DNAJC27: variants seen among roughly 807,000 people sequenced by gnomAD.
DNAJC27 encodes the protein DnaJ heat shock protein family (Hsp40) member C27, also known as dnaJ homolog subfamily C member 27.
DNAJC27 carries 25 observed loss-of-function variants against 31.4 expected under a neutral mutation model. The observed-to-expected ratio is 0.80, with a 90% confidence interval of 0.58 to 1.11. The LOEUF (loss-of-function observed/expected upper bound fraction) is 1.11. DNAJC27 is among the 50% of genes most tolerant of loss of function. The pLI, the probability that DNAJC27 is intolerant of heterozygous loss-of-function variation, is 0.00. For missense variants in DNAJC27, 356 were observed against 347.3 expected, an observed-to-expected ratio of 1.02 and a Z score of -0.20; for synonymous variants, 106 against 112.7, an observed-to-expected ratio of 0.94 and a Z score of 0.37.
intron 5 of DNAJC27, among the ~76,000 whole-genome samples, chr2:24,953,246 C>T (rs1001779448): frequency 4.6e-5 from 7 of 152,100 alleles, no homozygotes; most frequent in Non-Finnish European, 7.4e-5. Context: ...CTGTTATCTT[C>T]TAAAATTCTT....
intron 5 of DNAJC27, among the ~76,000 whole-genome samples, chr2:24,955,423 AATGGTCTAATATAC>A (rs1665881631): frequency 6.6e-6 from 1 of 152,206 alleles, no homozygotes; most frequent in African/African-American, 2.4e-5. Flanking sequence ...GACAAAATCA[AATGGTCTAATATAC>A]ATGTAATTGG....
intron 1 of DNAJC27, among the ~76,000 whole-genome samples, chr2:24,967,697 G>T: frequency 1.5e-5 from 2 of 135,144 alleles, no homozygotes; most frequent in South Asian, 2.3e-4. Flanking sequence ...GTGAACGCTT[G>T]TCTAAAAAAA....
At position 24,947,762 on chromosome 2, in the gene DNAJC27, C is replaced by A. The variant is rs1175235171; in HGVS notation, c.690-14G>T. Reference sequence around the variant, plus strand: ...TTGACTTCATCCCTGGGAAAAGAAGCCAAGATCTATGTTAGTAACAGAGTC... The same window carrying A: ...TTGACTTCATCCCTGGGAAAAGAAGACAAGATCTATGTTAGTAACAGAGTC... On this transcript the variant is annotated splice_polypyrimidine_tract_variant and intron_variant, in intron 6 of 6. Transcript: ENST00000264711. The A allele has an allele frequency of 6.2e-7, 1 of 1,608,528 alleles. No individual in the cohort carries two copies. Among genetic ancestry groups the A allele is most frequent in the African/African-American group, 1.3e-5 (1 of 74,942 alleles).
rs1665669014 is a variant in DNAJC27, at chr2:24,947,153, C to T, written c.*463G>A. ...CCACCTAAGGAACTCATTGTAAAAGCAGCAACTTGTCTGTAAGGTCACACC... is the reference window on the plus strand; with the variant it reads ...CCACCTAAGGAACTCATTGTAAAAGTAGCAACTTGTCTGTAAGGTCACACC... On this transcript the variant is annotated 3_prime_UTR_variant, in exon 7 of 7. Coordinates refer to ENST00000264711, the MANE Select transcript of DNAJC27 (RefSeq NM_016544.3). 1 of 154,212 alleles carries T rather than the reference C, an allele frequency of 6.5e-6. No individual in the cohort carries two copies. Among genetic ancestry groups the T allele is most frequent in the African/African-American group, 2.4e-5 (1 of 41,470 alleles). The allele number at this position is 154,212 out of a possible 1,614,324, so 9.6% of individuals were successfully genotyped here.
chr2:24,950,558 CA>C (rs1665745491), intron 6 of DNAJC27, among the ~76,000 whole-genome samples: 1 of 152,158 alleles, frequency 6.6e-6, no homozygotes, highest in Non-Finnish European at 1.5e-5. Context: ...TAAATACACA[CA>C]CAGAGGGCTG....
intron 5 of DNAJC27, among the ~76,000 whole-genome samples, chr2:24,954,352 C>T (rs1665853876): frequency 6.6e-6 from 1 of 152,110 alleles, no homozygotes; most frequent in South Asian, 2.1e-4. Flanking sequence ...TGCCTTAACC[C>T]CTCATTAATT....
chr2:24,962,783 A>G (rs188975588), intron 3 of DNAJC27, among the ~76,000 whole-genome samples: 1 of 152,300 alleles, frequency 6.6e-6, no homozygotes, highest in Admixed American at 6.5e-5. Context: ...CAAAAAGAGC[A>G]AAATAAGCTT....
intron 6 of DNAJC27, among the ~76,000 whole-genome samples, chr2:24,950,979 C>T (rs1189630325): frequency 2.0e-5 from 3 of 152,176 alleles, no homozygotes; most frequent in Admixed American, 6.5e-5. Context: ...CCACTAACTC[C>T]GGGGATTCTT....
At chr2:24,968,246 G>A (rs970656252) in intron 1 of DNAJC27, among the ~76,000 whole-genome samples, 1 of 152,026 alleles carries the variant, frequency 6.6e-6, no homozygotes, top group Non-Finnish European at 1.5e-5. Context: ...AATAGTCTGT[G>A]ATATGCAAAT....
intron 1 of DNAJC27, among the ~76,000 whole-genome samples, chr2:24,968,401 T>C (rs544918851): frequency 1.3e-5 from 2 of 152,162 alleles, no homozygotes; most frequent in Non-Finnish European, 2.9e-5. Flanking sequence ...CCAAATCCTT[T>C]AAAATGAGTA....
In DNAJC27 at chr2:24,952,921, T is replaced by A. The variant is rs372608025; in HGVS notation, c.529-1367A>T. On this transcript the variant is annotated intron_variant, in intron 5 of 6. Transcript: ENST00000264711. Reference sequence around the variant, plus strand: ...TCTTATTCTTTGCCCATTTTTACAATTTTTTTTCTTTTTTTTGAGACAGGG... The same window carrying A: ...TCTTATTCTTTGCCCATTTTTACAAATTTTTTTCTTTTTTTTGAGACAGGG... Among the ~76,000 whole-genome samples the A allele has an allele frequency of 3.7e-3, 569 of 152,146 alleles. 6 individuals carry two copies. Among genetic ancestry groups the A allele is most frequent in the African/African-American group, 0.013 (534 of 41,504 alleles).
chr2:24,950,763 C>T (rs1665751817), intron 6 of DNAJC27, among the ~76,000 whole-genome samples: 1 of 152,036 alleles, frequency 6.6e-6, no homozygotes, highest in Non-Finnish European at 1.5e-5. Context: ...AGGAGTATTG[C>T]TTGAACCCAG....
intron 6 of DNAJC27, 123 bp downstream of exon 6, chr2:24,951,270 TA>T: frequency 9.8e-7 from 1 of 1,025,532 alleles, no homozygotes; most frequent in Non-Finnish European, 1.4e-6. Flanking sequence ...TGAGTCATTC[TA>T]ATATATTTTC....
In DNAJC27 at chr2:24,957,938, T is replaced by A. The variant is rs766150158; in HGVS notation, c.277A>T (p.Ile93Leu). ...NEFYKDTQGV[I>L]LVYDVGQKDS... Reference sequence around the variant, plus strand: ...TTCTGCCCAACATCATAGACCAGTATCACACCCTGTGTGTCCTTGTAAAAC... The same window carrying A: ...TTCTGCCCAACATCATAGACCAGTAACACACCCTGTGTGTCCTTGTAAAAC... Residue 93 changes from isoleucine to leucine, a missense_variant, in exon 4 of 7, where the codon ATA becomes TTA. Coordinates refer to ENST00000264711, the MANE Select transcript of DNAJC27 (RefSeq NM_016544.3). 6 of 1,614,040 alleles carry A rather than the reference T, an allele frequency of 3.7e-6. No homozygotes were observed. In the South Asian group the frequency reaches 6.6e-5, roughly 18 times the overall value.
At chr2:24,951,360 T>C (rs368938324) in intron 6 of DNAJC27, 34 bp downstream of exon 6, 12 of 1,576,016 alleles carry the variant, frequency 7.6e-6, no homozygotes, top group Middle Eastern at 1.7e-4. Context: ...TTCTTTATGA[T>C]AGCAATCAGC....
intron 5 of DNAJC27, among the ~76,000 whole-genome samples, chr2:24,955,720 A>G (rs987632375): frequency 6.6e-6 from 1 of 152,260 alleles, no homozygotes; most frequent in Non-Finnish European, 1.5e-5. Flanking sequence ...AATAAGAGTC[A>G]GAATGAGTGC....
In DNAJC27 at chr2:24,971,860, G is replaced by T. The variant is rs978718182; in HGVS notation, c.45C>A (p.Leu15=). The change falls in exon 1 of 7, where the codon CTC becomes CTA. Residue 15 remains leucine, a synonymous_variant. Transcript: ENST00000264711. ...TGCCCATGGAGATGACTTTGATGCGGAGAGACCTGCCGGGCTCCTTCCGCT... is the reference window on the plus strand; with the variant it reads ...TGCCCATGGAGATGACTTTGATGCGTAGAGACCTGCCGGGCTCCTTCCGCT... ...MPKRKEPGRS[L]RIKVISMGNA... is the part of the protein sequence containing the mutation. The T allele has an allele frequency of 6.8e-6, 11 of 1,609,458 alleles. No individual in the cohort carries two copies. Among genetic ancestry groups the T allele is most frequent in the Non-Finnish European group, 9.3e-6 (11 of 1,178,430 alleles).
chr2:24,949,741 C>G (rs568645800), intron 6 of DNAJC27, among the ~76,000 whole-genome samples: 33 of 152,168 alleles, frequency 2.2e-4, no homozygotes, highest in East Asian at 3.9e-4. Context: ...ATAAGGAGCC[C>G]TAAGTTTCTT....
chr2:24,955,605 A>G (rs570215239), intron 5 of DNAJC27, among the ~76,000 whole-genome samples: 1 of 152,332 alleles, frequency 6.6e-6, no homozygotes, highest in South Asian at 2.1e-4. Context: ...AAAAATGAAG[A>G]GAATCACATC....
Sources: allele counts gnomAD v4.1 joint callset (sites outside exome capture counted in the v4.1 genomes callset), GRCh38; gene constraint gnomAD v4.1.1; transcripts MANE v1.5; gene names NCBI Gene and HGNC (gene_info 2026-07-23, HGNC 2026-07-21).